MAGEC3: variants seen among roughly 807,000 people sequenced by gnomAD.
MAGEC3 encodes MAGE family member C3.
MAGEC3 carries 34 observed loss-of-function variants against 35.3 expected under a neutral mutation model. The observed-to-expected ratio is 0.96, with a 90% CI of 0.73 to 1.28. The LOEUF (loss-of-function observed/expected upper bound fraction) is 1.28, where lower values mean the gene tolerates loss of function less well. MAGEC3 is among the 50% of genes most tolerant of loss of function. The probability of loss-of-function intolerance (pLI) is 0.00; values close to 1 mark genes in which losing one functional copy is unlikely to be tolerated. For synonymous variants in MAGEC3, 202 were observed against 185.6 expected (o/e 1.09, Z -0.72); for missense variants, 561 against 483.6 (o/e 1.16, Z -1.50).
intron 3 of MAGEC3, among the ~76,000 whole-genome samples, chrX:141,881,178 TTCCTCC>T (rs1216205198): frequency 9.1e-6 from 1 of 110,035 alleles, no homozygotes; most frequent in Non-Finnish European, 1.9e-5. Flanking sequence ...CTTTCTCCTC[TTCCTCC>T]TCCTCCTCCT....
rs752672451 is a variant in MAGEC3, at chrX:141,838,390, A to G, written c.75A>G (p.Thr25=). The change falls in exon 1 of 8, where the codon ACA becomes ACG. Residue 25 remains threonine (T), a synonymous_variant. Transcript: ENST00000298296. ...DGSLGQWVKN[T]CATYALSPVV... is the part of the protein sequence containing the mutation. ...GTCTAGGCCAGTGGGTGAAAAACAC[A>G]TGTGCCACATATGCCTTATCCCCAG... 4 of 1,211,044 alleles carry G rather than the reference A, an allele frequency of 3.3e-6. No individual in the cohort carries two copies. The highest frequency in any genetic ancestry group is 2.3e-4 in the Middle Eastern group (1 of 4,350).
At position 141,885,588 on chromosome X, in the gene MAGEC3, C is replaced by T. The variant is rs763666957; in HGVS notation, c.909+3792C>T. Among the ~76,000 whole-genome samples the T allele has an allele frequency of 4.2e-3, 381 of 91,350 alleles. 1 individual carries two copies. The highest frequency in any genetic ancestry group is 6.3e-3 in the Non-Finnish European group (308 of 48,566). The allele number at this position is 91,350 out of a possible 115,157, so 79.3% of individuals were successfully genotyped here. ...GCTGAGGCAGAGAATTGCTTGAACC[C>T]GGGAGGCAGAGGTTGCAGTGAGCCA... On this transcript the variant is annotated intron_variant, in intron 4 of 7. Transcript: ENST00000298296.
rs779268377 is a variant in MAGEC3, at chrX:141,865,552, G to A, written c.205G>A (p.Gly69Arg). 5.0e-6 allele frequency: 6 copies of A among 1,208,245 alleles called. No individual in the cohort carries two copies. In the South Asian group the frequency reaches 1.1e-4, roughly 21 times the overall value. ...LREVRLFLRGGTSDQRMDSLV... is the reference protein window; with the variant it reads ...LREVRLFLRGRTSDQRMDSLV... Reference sequence around the variant, plus strand: ...GGAGGTGAGGCTTTTTCTGAGGGGTGGAACTTCAGATCAGCGAATGGATAG... The same window carrying A: ...GGAGGTGAGGCTTTTTCTGAGGGGTAGAACTTCAGATCAGCGAATGGATAG... The change falls in exon 2 of 8, where the codon GGA becomes AGA. Residue 69 changes from glycine (G) to arginine (R), a missense_variant. By Grantham distance (125) the Gly-to-Arg change is moderately radical. Transcript: ENST00000298296.
chrX:141,875,456 C>A (rs758584485), intron 2 of MAGEC3, among the ~76,000 whole-genome samples: 1 of 111,403 alleles, frequency 9.0e-6, no homozygotes, highest in African/African-American at 3.3e-5. Flanking sequence ...CATCTATATT[C>A]ATGGCAACTA....
chrX:141,877,404 T>A (rs1308759568), intron 2 of MAGEC3, among the ~76,000 whole-genome samples: 1 of 111,992 alleles, frequency 8.9e-6, no homozygotes, highest in African/African-American at 3.2e-5. Flanking sequence ...TTCATTTTCA[T>A]ACTCTTTCCC....
Position 141,879,239 on chromosome X carries a change from C to T in MAGEC3, c.323C>T (p.Pro108Leu), listed in dbSNP as rs143001071. 1.5e-4 allele frequency: 180 copies of T among 1,201,835 alleles called. 1 individual carries two copies. The highest frequency in any genetic ancestry group is 1.8e-4 in the Non-Finnish European group (163 of 890,858). The stretch of plus-strand genomic sequence containing the variant: ...TCTGACTTGCATTTTGGGAGTCAGC[C>T]GGAGGGGAAGTTTTCTCTGAGGAGG... ...QLSDLHFGSQPEGKFSLRRAV... is the reference protein window; with the variant it reads ...QLSDLHFGSQLEGKFSLRRAV... Residue 108 changes from proline (P) to leucine (L), a missense_variant, in exon 3 of 8, where the codon CCG becomes CTG. By Grantham distance (98) the Pro-to-Leu change is moderately conservative. Transcript: ENST00000298296.
At chrX:141,895,456 A>C (rs367831409) in intron 5 of MAGEC3, 29 bp from the exon 6 acceptor site, 32 of 1,208,406 alleles carry the variant, frequency 2.6e-5, no homozygotes, top group Middle Eastern at 2.3e-4. Flanking sequence ...AGGACAGAAG[A>C]AGCCCCGGTC....
chrX:141,874,964 T>C (rs2124110216), intron 2 of MAGEC3, among the ~76,000 whole-genome samples: 1 of 111,953 alleles, frequency 8.9e-6, no homozygotes, highest in South Asian at 3.7e-4. Flanking sequence ...TAGTGGTAGA[T>C]GTAAGACTCT....
At chrX:141,842,233 T>C (rs2124079004) in intron 1 of MAGEC3, among the ~76,000 whole-genome samples, 1 of 111,742 alleles carries the variant, frequency 8.9e-6, no homozygotes, top group South Asian at 3.7e-4. Context: ...AGTACAACTT[T>C]ATAAGATGTA....
At chrX:141,844,896 C>G (rs942763671) in intron 1 of MAGEC3, among the ~76,000 whole-genome samples, 27 of 110,013 alleles carry the variant, frequency 2.5e-4, no homozygotes, top group Non-Finnish European at 4.6e-4. Flanking sequence ...CTCATTAGCT[C>G]ACAAGACATT....
At chrX:141,867,066 A>T (rs2017853925) in intron 2 of MAGEC3, among the ~76,000 whole-genome samples, 1 of 111,071 alleles carries the variant, frequency 9.0e-6, no homozygotes, top group Non-Finnish European at 1.9e-5. Context: ...AATTTTCTCA[A>T]TTCAGTTGTC....
chrX:141,884,658 A>G (rs1272797691), intron 4 of MAGEC3, among the ~76,000 whole-genome samples: 1 of 111,510 alleles, frequency 9.0e-6, no homozygotes, highest in East Asian at 2.8e-4. Flanking sequence ...CTCTAATTCT[A>G]ATGGCGTGGA....
At chrX:141,879,728 ACT>A (rs1205660196) in intron 3 of MAGEC3, among the ~76,000 whole-genome samples, 5 of 109,948 alleles carry the variant, frequency 4.5e-5, no homozygotes, top group African/African-American at 1.7e-4. Flanking sequence ...CAGACAGAAG[ACT>A]CTTAGAACTG....
intron 2 of MAGEC3, among the ~76,000 whole-genome samples, chrX:141,875,237 G>T (rs763508401): frequency 9.0e-6 from 1 of 111,449 alleles, no homozygotes; most frequent in Non-Finnish European, 1.9e-5. Context: ...AAATGCTGCT[G>T]TTGGATTTGA....
chrX:141,885,086 C>T (rs747220321), intron 4 of MAGEC3, among the ~76,000 whole-genome samples: 1 of 111,839 alleles, frequency 8.9e-6, no homozygotes, highest in Admixed American at 9.5e-5. Context: ...CAGGACCCAC[C>T]CCCAAAATCC....
rs994081383 is a variant in MAGEC3, at chrX:141,892,942, A to G, written c.910-2327A>G. On this transcript the variant is annotated intron_variant, in intron 4 of 7. Coordinates refer to ENST00000298296, the MANE Select transcript of MAGEC3 (RefSeq NM_138702.1). ...CTGGCATAAAAGTTTTGTGAAACAC[A>G]TATCTGATAAAAGATGTATATTTAA... Among the ~76,000 whole-genome samples the G allele has an allele frequency of 5.3e-5, 6 of 112,668 alleles. 1 individual carries two copies. Among genetic ancestry groups the G allele is most frequent in the Admixed American group, 9.4e-5 (1 of 10,606 alleles).
intron 4 of MAGEC3, among the ~76,000 whole-genome samples, chrX:141,886,213 C>T (rs1054401712): frequency 1.8e-5 from 2 of 110,677 alleles, no homozygotes; most frequent in Non-Finnish European, 3.8e-5. Context: ...AGGAAGCCTA[C>T]TGCATTCCTA....
intron 1 of MAGEC3, among the ~76,000 whole-genome samples, chrX:141,847,067 T>C (rs2017721458): frequency 9.0e-6 from 1 of 111,298 alleles, no homozygotes. Context: ...AATATCTGAA[T>C]AAAATCCCAT....
chrX:141,850,889 A>G (rs2017747327), intron 1 of MAGEC3, among the ~76,000 whole-genome samples: 1 of 111,375 alleles, frequency 9.0e-6, no homozygotes, highest in Non-Finnish European at 1.9e-5. Context: ...GTTGAATCAG[A>G]CTCAAGAAGA....
Sources: allele counts gnomAD v4.1 joint callset (sites outside exome capture counted in the v4.1 genomes callset), GRCh38; gene constraint gnomAD v4.1.1; transcripts MANE v1.5; gene names NCBI Gene and HGNC (gene_info 2026-07-23, HGNC 2026-07-21).